CWC27: variants seen among roughly 807,000 people sequenced by gnomAD.
The protein encoded by CWC27 is CWC27 spliceosome associated cyclophilin.
In CWC27, 47 loss-of-function variants were observed where a neutral mutation model predicts 63.6. That is an observed-to-expected ratio of 0.74 (90% CI 0.58 to 0.94). The LOEUF is 0.94. Ranked by LOEUF, CWC27 falls within the 40% of genes least tolerant of loss-of-function variation. The pLI, the probability that CWC27 is intolerant of heterozygous loss-of-function variation, is 0.00. For missense variants in CWC27, 495 were observed against 554.3 expected (o/e 0.89, Z 1.07); for synonymous variants, 175 against 179.8 (o/e 0.97, Z 0.22).
At chr5:64,977,319 C>A in intron 13 of CWC27, 81 bp downstream of exon 13, 2 of 921,232 alleles carry the variant, frequency 2.2e-6, no homozygotes, top group Non-Finnish European at 1.6e-6. Flanking sequence ...TCCACTATAT[C>A]ATCCTTTTGT....
At chr5:64,950,086 T>G (rs574697268) in intron 11 of CWC27, among the ~76,000 whole-genome samples, 25 of 152,140 alleles carry the variant, frequency 1.6e-4, no homozygotes, top group African/African-American at 6.0e-4. Flanking sequence ...CATAGTGAAA[T>G]AATATCTTTA....
intron 10 of CWC27, among the ~76,000 whole-genome samples, chr5:64,884,468 G>A (rs987387426): frequency 7.9e-5 from 12 of 152,084 alleles, no homozygotes; most frequent in Non-Finnish European, 1.8e-4. Context: ...TATAGGATTT[G>A]GGATAAGGAA....
intron 13 of CWC27, among the ~76,000 whole-genome samples, chr5:65,009,672 A>G (rs1749911756): frequency 6.6e-6 from 1 of 152,192 alleles, no homozygotes; most frequent in Admixed American, 6.5e-5. Flanking sequence ...TCTGGCACAT[A>G]CTGAGGAAAG....
chr5:64,835,876 G>T (rs1396561295), intron 10 of CWC27, among the ~76,000 whole-genome samples: 1 of 151,780 alleles, frequency 6.6e-6, no homozygotes, highest in Non-Finnish European at 1.5e-5. Context: ...TATATCTCTT[G>T]TTTCTTTGTG....
At chr5:64,872,397 C>T (rs761094949) in intron 10 of CWC27, among the ~76,000 whole-genome samples, 9 of 152,284 alleles carry the variant, frequency 5.9e-5, no homozygotes, top group Non-Finnish European at 1.2e-4. Flanking sequence ...AGTTCCTAAA[C>T]GTGAAAAGCT....
At chr5:64,865,547 G>A (rs1389465269) in intron 10 of CWC27, among the ~76,000 whole-genome samples, 6 of 151,990 alleles carry the variant, frequency 3.9e-5, no homozygotes, top group East Asian at 1.9e-4. Flanking sequence ...GATTGGAAAC[G>A]GTGATGTCAA....
intron 11 of CWC27, among the ~76,000 whole-genome samples, chr5:64,895,527 T>C (rs1435705920): frequency 6.6e-6 from 1 of 152,146 alleles, no homozygotes; most frequent in Non-Finnish European, 1.5e-5. Context: ...AATCCTACTT[T>C]CATCCCAGTC....
At chr5:64,870,664 A>G (rs999459499) in intron 10 of CWC27, among the ~76,000 whole-genome samples, 3 of 152,058 alleles carry the variant, frequency 2.0e-5, no homozygotes, top group Middle Eastern at 3.2e-3. Context: ...ATTCCCCTCA[A>G]AAAAGAAACT....
At chr5:64,849,049 G>A (rs1023975316) in intron 10 of CWC27, among the ~76,000 whole-genome samples, 1 of 152,096 alleles carries the variant, frequency 6.6e-6, no homozygotes, top group Non-Finnish European at 1.5e-5. Flanking sequence ...GTAACATTGT[G>A]AATGTTTGCT....
intron 13 of CWC27, among the ~76,000 whole-genome samples, chr5:65,016,853 A>T (rs1750056717): frequency 6.6e-6 from 1 of 152,112 alleles, no homozygotes; most frequent in African/African-American, 2.4e-5. Context: ...TACTACCCAG[A>T]TCTCTGCTTA....
intron 7 of CWC27, among the ~76,000 whole-genome samples, chr5:64,796,444 G>A (rs1052522384): frequency 6.6e-6 from 1 of 152,136 alleles, no homozygotes; most frequent in Non-Finnish European, 1.5e-5. Flanking sequence ...CTTTGTGACA[G>A]TCTTGAGGCA....
At chr5:65,011,611 T>C (rs976216492) in intron 13 of CWC27, among the ~76,000 whole-genome samples, 1 of 152,194 alleles carries the variant, frequency 6.6e-6, no homozygotes, top group Non-Finnish European at 1.5e-5. Flanking sequence ...AGAAGCCACA[T>C]TGGGAATTTT....
chr5:64,960,787 CT>C (rs34208029), intron 11 of CWC27, among the ~76,000 whole-genome samples: 4 of 151,156 alleles, frequency 2.6e-5, no homozygotes, highest in African/African-American at 4.9e-5. Context: ...CAGTACACTT[CT>C]TTTTTTTTAA....
chr5:64,987,514 A>G lies in CWC27; in HGVS notation c.1256+10276A>G, dbSNP rs147094272. Among the ~76,000 whole-genome samples the G allele has an allele frequency of 4.0e-3, 607 of 152,296 alleles. 1 individual carries two copies. Among genetic ancestry groups the G allele is most frequent in the Non-Finnish European group, 6.9e-3 (472 of 68,012 alleles). On this transcript the variant is annotated intron_variant, in intron 13 of 13. Coordinates refer to ENST00000381070, the MANE Select transcript of CWC27 (RefSeq NM_005869.4). ...AAGACTCTGTTATATTTACCCAGAT[A>G]TTTACCATTCATGTTACTCTTTCTT...
chr5:64,907,148 G>A (rs1407352069), intron 11 of CWC27, among the ~76,000 whole-genome samples: 3 of 152,092 alleles, frequency 2.0e-5, no homozygotes, highest in Non-Finnish European at 1.5e-5. Flanking sequence ...TTGGCGATGC[G>A]GGCTCTTTTT....
intron 10 of CWC27, among the ~76,000 whole-genome samples, chr5:64,857,598 A>G (rs1426895245): frequency 6.6e-6 from 1 of 152,228 alleles, no homozygotes; most frequent in Non-Finnish European, 1.5e-5. Context: ...AAAGCAACCT[A>G]AAAATGGAAA....
intron 10 of CWC27, among the ~76,000 whole-genome samples, chr5:64,852,603 C>T (rs1746161286): frequency 6.6e-6 from 1 of 151,948 alleles, no homozygotes; most frequent in Non-Finnish European, 1.5e-5. Flanking sequence ...TCTGGAGTAG[C>T]TGGGATTACA....
chr5:64,940,599 T>G (rs1748453880), intron 11 of CWC27, among the ~76,000 whole-genome samples: 1 of 152,082 alleles, frequency 6.6e-6, no homozygotes. Flanking sequence ...GTTTTAGTAT[T>G]CACCAGTGAT....
chr5:64,969,012 A>T (rs1749072251), intron 11 of CWC27, among the ~76,000 whole-genome samples: 1 of 152,202 alleles, frequency 6.6e-6, no homozygotes, highest in Non-Finnish European at 1.5e-5. Context: ...TTGACTTTTT[A>T]AAATTGATTT....
Sources: allele counts gnomAD v4.1 joint callset (sites outside exome capture counted in the v4.1 genomes callset), GRCh38; gene constraint gnomAD v4.1.1; transcripts MANE v1.5; gene names NCBI Gene and HGNC (gene_info 2026-07-23, HGNC 2026-07-21).